POU2F3: variants seen among roughly 807,000 people sequenced by gnomAD.
The protein encoded by POU2F3 is POU domain, class 2, transcription factor 3.
Under a neutral mutation model 59.2 loss-of-function variants are expected in POU2F3, and 23 were observed. The observed-to-expected ratio is 0.39, with a 90% confidence interval of 0.28 to 0.55. The LOEUF is 0.55. Among genes scored for constraint, POU2F3 ranks in the 20% least tolerant of loss-of-function variants. The pLI is 0.66. For missense variants in POU2F3, 473 were observed against 544.5 expected (o/e 0.87, Z 1.31); for synonymous variants, 190 against 214.6 (o/e 0.89, Z 1.00).
At chr11:120,246,355 T>C (rs947536584) in intron 1 of POU2F3, 94 bp from the exon 2 acceptor site, 65 of 1,220,106 alleles carry the variant, frequency 5.3e-5, no homozygotes, top group Non-Finnish European at 7.0e-5. Flanking sequence ...TTGTTGTAAT[T>C]ACACATTCAT....
chr11:120,293,540 T>C (rs919479329), intron 3 of POU2F3, among the ~76,000 whole-genome samples: 1 of 152,220 alleles, frequency 6.6e-6, no homozygotes, highest in African/African-American at 2.4e-5. Context: ...TTGCCTGAAA[T>C]TGAAGGCAGG....
intron 4 of POU2F3, among the ~76,000 whole-genome samples, 172 bp downstream of exon 4, chr11:120,298,562 C>G (rs962904886): frequency 2.0e-5 from 3 of 152,082 alleles, no homozygotes; most frequent in African/African-American, 7.3e-5. Context: ...TGAAGCCTAG[C>G]TAGGGAGGTG....
At chr11:120,269,886 A>G (rs1275439640) in intron 3 of POU2F3, among the ~76,000 whole-genome samples, 1 of 152,048 alleles carries the variant, frequency 6.6e-6, no homozygotes, top group East Asian at 1.9e-4. Context: ...GCCGAGGGAG[A>G]GGACTTGCCC....
chr11:120,298,289 T>G lies in POU2F3; in HGVS notation c.157T>G (p.Ser53Ala), dbSNP rs149689245. ...GATTAAAACCGAAGATCTCAGTGAC[T>G]CCCTGCAGCAGACCCTCTCCCATCG... ...RQIKTEDLSD[S>A]LQQTLSHRPC... Residue 53 changes from serine (S) to alanine (A), a missense_variant, in exon 4 of 13, where the codon TCC becomes GCC. Coordinates refer to ENST00000543440, the MANE Select transcript of POU2F3 (RefSeq NM_014352.4). The G allele has an allele frequency of 1.1e-5, 17 of 1,613,392 alleles. No homozygotes were observed. In the African/African-American group the frequency reaches 2.3e-4, roughly 22 times the overall value.
chr11:120,273,894 G>A (rs1451739795), intron 3 of POU2F3, among the ~76,000 whole-genome samples: 2 of 152,058 alleles, frequency 1.3e-5, no homozygotes, highest in Non-Finnish European at 2.9e-5. Flanking sequence ...GCAGGTGCCT[G>A]TAATCCCAGC....
rs906608346 is a variant in POU2F3 at position 120,285,228 on chromosome 11, T to A, written c.133-13037T>A. ...GAGTGATTCCAGTACGACCTATGCC[T>A]CATATACCAATTCTGCTGACACCCC... On this transcript the variant is annotated intron_variant, in intron 3 of 12. Transcript: ENST00000543440. The surrounding 1 kb of genome is among the most constrained non-coding windows in gnomAD (Gnocchi z 4.3). Among the ~76,000 whole-genome samples the A allele has an allele frequency of 1.3e-4, 20 of 152,116 alleles. No homozygotes were observed. The highest frequency in any genetic ancestry group is 1.1e-3 in the Admixed American group (17 of 15,276).
At chr11:120,271,722 G>C (rs574428683) in intron 3 of POU2F3, among the ~76,000 whole-genome samples, 1 of 152,192 alleles carries the variant, frequency 6.6e-6, no homozygotes, top group African/African-American at 2.4e-5. Flanking sequence ...CTGACCCTTG[G>C]AACATCTTTG....
chr11:120,305,176 C>G lies in POU2F3; in HGVS notation c.591C>G (p.Thr197=), dbSNP rs760255011. 7.4e-6 allele frequency: 12 copies of G among 1,613,824 alleles called. No individual in the cohort carries two copies. The South Asian group carries it at 1.3e-4, about 18-fold the overall frequency. ...AGGAGCTGGAGAAGTTTGCCAAGAC[C>G]TTCAAGCAGAGGCGCATTAAGCTGG... is the stretch of plus-strand genomic sequence containing the variant. ...DLEELEKFAK[T]FKQRRIKLGF... The change falls in exon 7 of 13, where the codon ACC becomes ACG. Residue 197 remains threonine, a synonymous_variant. Coordinates refer to ENST00000543440, the MANE Select transcript of POU2F3 (RefSeq NM_014352.4).
In POU2F3 at chr11:120,255,225, CGAGAGGTGTGGG is replaced by C; in HGVS notation, c.97+8709_97+8720del. Among the ~76,000 whole-genome samples, 3 of 152,216 alleles carry C rather than the reference CGAGAGGTGTGGG, an allele frequency of 2.0e-5. No homozygotes were observed. The South Asian group carries it at 6.2e-4, about 32-fold the overall frequency. ...TGGGTGTGCCCAGTCCAGGTTTGTA[CGAGAGGTGTGGG>C]CAGGTAGGCTGGCGTATCTGGACCC... On this transcript the variant is annotated intron_variant, in intron 2 of 12. Transcript: ENST00000543440.
At chr11:120,299,900 C>T (rs547565333) in intron 5 of POU2F3, among the ~76,000 whole-genome samples, 174 bp downstream of exon 5, 5 of 152,220 alleles carry the variant, frequency 3.3e-5, no homozygotes, top group Admixed American at 3.3e-4. Flanking sequence ...TGGCAATGCT[C>T]CTCCAGGCTT....
rs144345627 is a variant in POU2F3, at chr11:120,282,195, G to A, written c.132+12951G>A. 4.6e-3 allele frequency among the ~76,000 whole-genome samples: 693 copies of A among 152,294 alleles called. 3 individuals carry two copies. Among genetic ancestry groups the A allele is most frequent in the African/African-American group, 0.016 (653 of 41,546 alleles). On this transcript the variant is annotated intron_variant, in intron 3 of 12. Coordinates refer to ENST00000543440, the MANE Select transcript of POU2F3 (RefSeq NM_014352.4). ...GGTGCTTCACTCAGTCATTACTAAA[G>A]CAGTCATAAGAAAGCCATGCTTTCG...
chr11:120,298,471 CG>C lies in POU2F3; in HGVS notation c.258+82del. 3 of 1,568,512 alleles carry C rather than the reference CG, an allele frequency of 1.9e-6. No homozygotes were observed. The South Asian group carries it at 3.4e-5, about 18-fold the overall frequency. ...ATGCTCGACTTCCATGCTTGGTACT[CG>C]TCTAAAGAACCCCCTGCAGGCAATG... is the stretch of plus-strand genomic sequence containing the variant. On this transcript the variant is annotated intron_variant, in intron 4 of 12. Coordinates refer to ENST00000543440, the MANE Select transcript of POU2F3 (RefSeq NM_014352.4).
At position 120,318,417 on chromosome 11, in the gene POU2F3, G is replaced by T; in HGVS notation, c.*25G>T. ...AGACCAAAAAGTTTCTCCTACTCCA[G>T]CTGGCCCTGTATTCCCCCTGGAAGG... On this transcript the variant is annotated 3_prime_UTR_variant, in exon 13 of 13. Coordinates refer to ENST00000543440, the MANE Select transcript of POU2F3 (RefSeq NM_014352.4). 6.4e-7 allele frequency: 1 copy of T among 1,564,442 alleles called. No homozygotes were observed. Among genetic ancestry groups the T allele is most frequent in the Non-Finnish European group, 8.8e-7 (1 of 1,134,880 alleles).
intron 3 of POU2F3, among the ~76,000 whole-genome samples, chr11:120,276,146 C>A (rs900247354): frequency 6.6e-6 from 1 of 152,196 alleles, no homozygotes; most frequent in Non-Finnish European, 1.5e-5. Flanking sequence ...CCCCCACAAC[C>A]AGGAGCAGCC....
chr11:120,267,755 G>T (rs1284834157), intron 2 of POU2F3, among the ~76,000 whole-genome samples: 1 of 152,226 alleles, frequency 6.6e-6, no homozygotes, highest in Non-Finnish European at 1.5e-5. Flanking sequence ...AAAAAAAAAT[G>T]GGTGTCACTG....
At chr11:120,249,135 C>T (rs540820569) in intron 2 of POU2F3, among the ~76,000 whole-genome samples, 7 of 152,186 alleles carry the variant, frequency 4.6e-5, no homozygotes, top group South Asian at 2.1e-4. Flanking sequence ...GAGACGTGGC[C>T]GGGGGCACAT....
intron 8 of POU2F3, 134 bp downstream of exon 8, chr11:120,305,919 G>A (rs1269388488): frequency 2.7e-6 from 3 of 1,130,966 alleles, no homozygotes; most frequent in East Asian, 2.6e-5. Flanking sequence ...AGCCGATGGA[G>A]AAACAAGACA....
chr11:120,309,579 C>T lies in POU2F3; in HGVS notation c.1061C>T (p.Ser354Phe). The part of the protein sequence containing the change: ...ATPIKPPVYN[S>F]RLVSPSGSLG... Reference sequence around the variant, plus strand: ...CCCATCAAACCACCTGTCTACAACTCCCGGCTGGTGAGTGGCCAGGAACCA... The same window carrying T: ...CCCATCAAACCACCTGTCTACAACTTCCGGCTGGTGAGTGGCCAGGAACCA... The change falls in exon 10 of 13, where the codon TCC (serine) becomes TTC (phenylalanine). Residue 354 changes from serine (S) to phenylalanine (F), a missense_variant. By Grantham distance (155) the Ser-to-Phe change is radical (BLOSUM62 -2). Transcript: ENST00000543440. 6.2e-7 allele frequency: 1 copy of T among 1,613,186 alleles called. No individual in the cohort carries two copies. The highest frequency in any genetic ancestry group is 1.7e-4 in the Middle Eastern group (1 of 6,060).
At chr11:120,254,795 T>G (rs1188764085) in intron 2 of POU2F3, 1 of 152,118 alleles carries the variant, frequency 6.6e-6, no homozygotes, top group Non-Finnish European at 1.5e-5. Flanking sequence ...CCTATGGGCT[T>G]CAGACACCAA....
Sources: gnomAD v4.1 joint callset for allele counts (sites outside exome capture counted in the v4.1 genomes callset) on GRCh38, gnomAD v4.1.1 for gene constraint, Gnocchi (gnomAD v3.1) non-coding constraint, MANE v1.5 for transcripts, NCBI Gene and HGNC (gene_info 2026-07-23, HGNC 2026-07-21) for gene names.